CCDC178: variants seen among roughly 807,000 people sequenced by gnomAD.
CCDC178 encodes coiled-coil domain-containing protein 178.
Under a neutral mutation model 117.4 loss-of-function variants are expected in CCDC178, and 126 were observed. That is an observed-to-expected ratio of 1.07 (90% CI 0.93 to 1.24). The LOEUF is 1.24. CCDC178 is among the 50% of genes most tolerant of loss of function. The probability of loss-of-function intolerance (pLI) is 0.00; values close to 1 mark genes in which losing one functional copy is unlikely to be tolerated. For synonymous variants in CCDC178, 283 were observed against 313.4 expected, an observed-to-expected ratio of 0.90 and a Z score of 1.02; for missense variants, 1,030 against 986.9, an observed-to-expected ratio of 1.04 and a Z score of -0.59.
intron 21 of CCDC178, chr18:32,983,424 C>G (rs2144721049): frequency 1.2e-6 from 1 of 862,028 alleles, no homozygotes; most frequent in East Asian, 2.6e-5. Context: ...TCTACAAACA[C>G]AGTCAAACAA....
At position 33,176,642 on chromosome 18, in the gene CCDC178, A is replaced by G. The variant is rs151269396; in HGVS notation, c.2238+35254T>C. 2.6e-3 allele frequency among the ~76,000 whole-genome samples: 395 copies of G among 152,106 alleles called. 2 individuals are homozygous for G. Among genetic ancestry groups the G allele is most frequent in the Non-Finnish European group, 4.9e-3 (333 of 67,976 alleles). On this transcript the variant is annotated intron_variant, in intron 20 of 22. Transcript: ENST00000383096. Reference sequence around the variant, plus strand: ...ACTCTGTATTTTCCATTTACTAGCAAATTTGCTTTTCTTTTCCTTCCTATC... The same window carrying G: ...ACTCTGTATTTTCCATTTACTAGCAGATTTGCTTTTCTTTTCCTTCCTATC...
chr18:33,279,344 T>C (rs944623778), intron 12 of CCDC178, among the ~76,000 whole-genome samples: 3 of 151,882 alleles, frequency 2.0e-5, no homozygotes, highest in Non-Finnish European at 4.4e-5. Context: ...ATGAGTGAAC[T>C]CCCATTCACA....
rs992632033 is a variant in CCDC178 at position 33,352,581 on chromosome 18, C to T, written c.372-3606G>A. Among the ~76,000 whole-genome samples, 6 of 152,002 alleles carry T rather than the reference C, an allele frequency of 3.9e-5. No homozygotes were observed. The East Asian group carries it at 9.6e-4, about 24-fold the overall frequency. Reference sequence around the variant, plus strand: ...AATTTCCCTCTGTGGACTACTTTTGCTGCATTTCGTAAGTTTAAATACATT... The same window carrying T: ...AATTTCCCTCTGTGGACTACTTTTGTTGCATTTCGTAAGTTTAAATACATT... On this transcript the variant is annotated intron_variant, in intron 7 of 22. Transcript: ENST00000383096.
chr18:32,996,034 T>A (rs1568206278), intron 21 of CCDC178, among the ~76,000 whole-genome samples: 1 of 151,536 alleles, frequency 6.6e-6, no homozygotes, highest in Non-Finnish European at 1.5e-5. Context: ...AAGTCAAATA[T>A]AAAAATAAAA....
intron 11 of CCDC178, 146 bp downstream of exon 11, chr18:33,323,345 T>A (rs2062540248): frequency 1.2e-5 from 5 of 414,470 alleles, no homozygotes; most frequent in Non-Finnish European, 2.0e-5. Flanking sequence ...TTTATTTACA[T>A]ATAAACTTGG....
intron 20 of CCDC178, among the ~76,000 whole-genome samples, chr18:33,179,643 T>G (rs2058711730): frequency 6.6e-6 from 1 of 151,928 alleles, no homozygotes; most frequent in South Asian, 2.1e-4. Flanking sequence ...CCCCCAAAAG[T>G]TTTCAACACA....
At chr18:33,332,389 T>C (rs1451687400) in intron 10 of CCDC178, among the ~76,000 whole-genome samples, 17 of 152,156 alleles carry the variant, frequency 1.1e-4, no homozygotes, top group Admixed American at 1.1e-3. Context: ...TTTGTGACAA[T>C]TATCAATAAA....
intron 21 of CCDC178, among the ~76,000 whole-genome samples, chr18:32,978,394 G>A (rs2055071467): frequency 6.6e-6 from 1 of 151,486 alleles, no homozygotes; most frequent in African/African-American, 2.4e-5. Flanking sequence ...AATATTTAAG[G>A]AAAAACAACT....
At chr18:32,996,520 A>C (rs957595117) in intron 21 of CCDC178, among the ~76,000 whole-genome samples, 2 of 151,954 alleles carry the variant, frequency 1.3e-5, no homozygotes, top group African/African-American at 4.8e-5. Flanking sequence ...TATATTATAC[A>C]GTAAATAAAA....
chr18:33,173,886 T>G (rs978169138), intron 20 of CCDC178, among the ~76,000 whole-genome samples: 7 of 152,194 alleles, frequency 4.6e-5, no homozygotes, highest in African/African-American at 1.7e-4. Context: ...GTGATAATCC[T>G]TGAAAAGCGC....
At chr18:33,428,919 C>T (rs2064165840) in intron 2 of CCDC178, among the ~76,000 whole-genome samples, 1 of 149,474 alleles carries the variant, frequency 6.7e-6, no homozygotes, top group African/African-American at 2.5e-5. Flanking sequence ...ATTTTTCAAT[C>T]AAACTTTAAA....
At chr18:33,244,882 T>G (rs2059529341) in intron 15 of CCDC178, among the ~76,000 whole-genome samples, 1 of 151,954 alleles carries the variant, frequency 6.6e-6, no homozygotes, top group African/African-American at 2.4e-5. Context: ...TATTCTCACA[T>G]TACATAAGGT....
At chr18:32,983,962 C>T (rs1220830620) in intron 21 of CCDC178, among the ~76,000 whole-genome samples, 2 of 151,946 alleles carry the variant, frequency 1.3e-5, no homozygotes, top group Admixed American at 1.3e-4. Flanking sequence ...CCAGTTAATA[C>T]TGAGCTATTT....
intron 5 of CCDC178, among the ~76,000 whole-genome samples, chr18:33,380,302 C>T (rs2063424974): frequency 6.6e-6 from 1 of 152,162 alleles, no homozygotes; most frequent in Non-Finnish European, 1.5e-5. Flanking sequence ...GCTGTAGAGG[C>T]ACATATCCTG....
intron 14 of CCDC178, among the ~76,000 whole-genome samples, chr18:33,248,188 T>C (rs1299322018): frequency 6.6e-6 from 1 of 151,912 alleles, no homozygotes; most frequent in Non-Finnish European, 1.5e-5. Flanking sequence ...AAGCTATAGT[T>C]CCATACATTG....
At chr18:33,385,724 C>A (rs2063484680) in intron 5 of CCDC178, among the ~76,000 whole-genome samples, 1 of 152,034 alleles carries the variant, frequency 6.6e-6, no homozygotes, top group African/African-American at 2.4e-5. Context: ...TGTTAAGTGG[C>A]AAATTTATAG....
In CCDC178 at chr18:33,261,233, G is replaced by A. The variant is rs371250444; in HGVS notation, c.1409+5683C>T. The stretch of plus-strand genomic sequence containing the variant: ...TAAGTAGCTGGGGCTACAGGCGCCC[G>A]CCACCACGCCCGGCTAATTTTTTGT... On this transcript the variant is annotated intron_variant, in intron 14 of 22. Coordinates refer to ENST00000383096, the MANE Select transcript of CCDC178 (RefSeq NM_001105528.4). 3.2e-3 allele frequency among the ~76,000 whole-genome samples: 484 copies of A among 152,154 alleles called. 6 individuals are homozygous for A. The highest frequency in any genetic ancestry group is 0.012 in the East Asian group (60 of 5,154).
At chr18:33,426,895 C>T (rs1402983111) in intron 2 of CCDC178, among the ~76,000 whole-genome samples, 1 of 151,914 alleles carries the variant, frequency 6.6e-6, no homozygotes, top group Non-Finnish European at 1.5e-5. Flanking sequence ...AAAATGAGAT[C>T]TTGAAAATCA....
At chr18:33,358,905 T>C (rs2063092479) in intron 6 of CCDC178, among the ~76,000 whole-genome samples, 1 of 151,832 alleles carries the variant, frequency 6.6e-6, no homozygotes, top group African/African-American at 2.4e-5. Context: ...CAAAAGAAAG[T>C]GGCAAAAGAT....
Sources: gnomAD v4.1 joint callset for allele counts (sites outside exome capture counted in the v4.1 genomes callset) on GRCh38, gnomAD v4.1.1 for gene constraint, MANE v1.5 for transcripts, NCBI Gene and HGNC (gene_info 2026-07-23, HGNC 2026-07-21) for gene names.